MGST1: variants seen among roughly 807,000 people sequenced by gnomAD.
MGST1 encodes the protein glutathione S-transferase 12.
In MGST1, 5 loss-of-function variants were observed where a neutral mutation model predicts 8.9. That is an observed-to-expected ratio of 0.56 (90% CI 0.29 to 1.19). The LOEUF is 1.19. Among genes scored for constraint, MGST1 ranks in the 50% most tolerant of loss-of-function variants. MGST1 has a pLI of 0.08. For synonymous variants in MGST1, 54 were observed against 67.8 expected (o/e 0.80, Z 1.00); for missense variants, 182 against 187.4 (o/e 0.97, Z 0.17).
At position 16,560,758 on chromosome 12, in the gene MGST1, G is replaced by A. The variant is rs760804328; in HGVS notation, n.483-28770G>A. 3.5e-6 allele frequency: 2 copies of A among 575,038 alleles called. No individual in the cohort carries two copies. Among genetic ancestry groups the A allele is most frequent in the East Asian group, 3.6e-5 (1 of 27,568 alleles). The allele number at this position is 575,038 out of a possible 1,614,324, so 35.6% of individuals were successfully genotyped here. On this transcript the variant is annotated intron_variant and non_coding_transcript_variant, in intron 4 of 4. Coordinates refer to the MGST1 transcript ENST00000538857. This position sits in a 1 kb window ranked among gnomAD's most constrained non-coding sequence, Gnocchi z 5.0. ...ATCACATCTTGTTTGAGAAGAAAAG[G>A]AAAAGACAAATACATTAGGAAGCTT... is the stretch of plus-strand genomic sequence containing the variant.
chr12:16,421,664 G>C (rs60008925), intron 1 of MGST1, among the ~76,000 whole-genome samples: 19,469 of 152,144 alleles, frequency 0.13, 1,682 homozygotes, highest in East Asian at 0.45. Flanking sequence ...GGTGTGGTAT[G>C]GGATAGGTCC....
chr12:16,449,671 C>T (rs1373786128), intron 4 of MGST1, among the ~76,000 whole-genome samples: 1 of 151,858 alleles, frequency 6.6e-6, no homozygotes, highest in Non-Finnish European at 1.5e-5. Context: ...CAATAGGGGG[C>T]CCTGTGGCTT....
rs1943295114 is a variant in MGST1, at chr12:16,585,652, T to C, written n.483-3876T>C. ...CGTTGAAGTCCACCCATTCCAATTA[T>C]TTAAGTGATTTCATTTGAATGATGT... is the stretch of plus-strand genomic sequence containing the variant. On this transcript the variant is annotated intron_variant and non_coding_transcript_variant, in intron 4 of 4. Transcript: ENST00000538857. This position sits in a 1 kb window ranked among gnomAD's most constrained non-coding sequence, Gnocchi z 4.7. Among the ~76,000 whole-genome samples the C allele has an allele frequency of 6.6e-6, 1 of 152,296 alleles. No homozygotes were observed. The highest frequency in any genetic ancestry group is 1.9e-4 in the East Asian group (1 of 5,186).
chr12:16,349,506 G>A (rs1179526256), intron 1 of MGST1, among the ~76,000 whole-genome samples: 3 of 151,978 alleles, frequency 2.0e-5, no homozygotes, highest in African/African-American at 7.3e-5. Flanking sequence ...TTGCAGTCTT[G>A]GTCTCTCCAC....
Position 16,560,286 on chromosome 12 carries a change from G to T in MGST1, n.483-29242G>T. On this transcript the variant is annotated intron_variant and non_coding_transcript_variant, in intron 4 of 4. Transcript: ENST00000538857. This position sits in a 1 kb window ranked among gnomAD's most constrained non-coding sequence, Gnocchi z 5.0. ...AGCTTGTCTCTGGCATGGGATTAAA[G>T]TTTACAGAACAGAAAAACGCTGAGA... The T allele has an allele frequency of 9.4e-7, 1 of 1,064,994 alleles. No homozygotes were observed. Among genetic ancestry groups the T allele is most frequent in the Non-Finnish European group, 1.3e-6 (1 of 757,848 alleles). The allele number at this position is 1,064,994 out of a possible 1,614,324, so 66.0% of individuals were successfully genotyped here. A position where few individuals can be genotyped will look rare whatever the true frequency, so the allele number is the denominator to read the frequency against.
chr12:16,478,634 T>C (rs1387666907), intron 4 of MGST1, among the ~76,000 whole-genome samples: 1 of 152,062 alleles, frequency 6.6e-6, no homozygotes, highest in African/African-American at 2.4e-5. Context: ...GAATTTTTTT[T>C]TAATTTCAGA....
At chr12:16,445,146 G>A (rs112567225) in intron 4 of MGST1, among the ~76,000 whole-genome samples, 363 of 151,770 alleles carry the variant, frequency 2.4e-3, no homozygotes, top group African/African-American at 8.3e-3. Context: ...CCCCATCCGA[G>A]ATCAGCTCAC....
chr12:16,400,594 G>C (rs1335743381), intron 1 of MGST1: 6 of 1,058,022 alleles, frequency 5.7e-6, no homozygotes, highest in Admixed American at 1.7e-5. Context: ...GGCTGGTACT[G>C]TCTGTTCCCC....
chr12:16,473,198 C>T (rs1048452513), intron 4 of MGST1, among the ~76,000 whole-genome samples: 2 of 152,162 alleles, frequency 1.3e-5, no homozygotes, highest in Non-Finnish European at 2.9e-5. Context: ...ACATTCCCCC[C>T]ATCCCCAGGA....
intron 1 of MGST1, among the ~76,000 whole-genome samples, chr12:16,348,090 T>G (rs1409867773): frequency 2.0e-5 from 3 of 152,148 alleles, no homozygotes; most frequent in Non-Finnish European, 4.4e-5. Flanking sequence ...CGACTGCTGT[T>G]CTCCCCAAGA....
chr12:16,552,039 C>G (rs1217268752), intron 4 of MGST1, among the ~76,000 whole-genome samples: 1 of 151,970 alleles, frequency 6.6e-6, no homozygotes, highest in Non-Finnish European at 1.5e-5. Flanking sequence ...ATAAACTAAA[C>G]TAGTTTCCAA....
In MGST1 at chr12:16,551,077, G is replaced by T. The variant is rs531907828; in HGVS notation, n.483-38451G>T. The stretch of plus-strand genomic sequence containing the variant: ...GGCAATTTCACTACATACAGATGCA[G>T]TCCGCCTTTTATTCCATATAACCAT... On this transcript the variant is annotated intron_variant and non_coding_transcript_variant, in intron 4 of 4. Coordinates refer to the MGST1 transcript ENST00000538857. 7.0e-6 allele frequency: 4 copies of T among 572,390 alleles called. No individual in the cohort carries two copies. The South Asian group carries it at 1.1e-4, about 15-fold the overall frequency. The allele number at this position is 572,390 out of a possible 1,614,324, so 35.5% of individuals were successfully genotyped here. A position where few individuals can be genotyped will look rare whatever the true frequency, so the allele number is the denominator to read the frequency against.
At chr12:16,400,377 G>A (rs1940643810) in intron 1 of MGST1, 2 of 821,740 alleles carry the variant, frequency 2.4e-6, no homozygotes, top group Admixed American at 3.5e-5. Flanking sequence ...GGAAGCCATT[G>A]ACACGGGCCT....
At chr12:16,392,068 T>C (rs1157005267) in intron 1 of MGST1, among the ~76,000 whole-genome samples, 2 of 152,210 alleles carry the variant, frequency 1.3e-5, no homozygotes, top group East Asian at 1.9e-4. Context: ...TGTGGCCTTT[T>C]TTCTGGGCTC....
intron 4 of MGST1, among the ~76,000 whole-genome samples, chr12:16,525,065 T>C (rs1941674690): frequency 6.6e-6 from 1 of 151,966 alleles, no homozygotes; most frequent in Admixed American, 6.6e-5. Context: ...TGTCTCATGC[T>C]AGGTTTTATT....
intron 4 of MGST1, among the ~76,000 whole-genome samples, chr12:16,472,289 A>G (rs1208437448): frequency 6.6e-6 from 1 of 152,192 alleles, no homozygotes; most frequent in African/African-American, 2.4e-5. Flanking sequence ...TTTGTAAATT[A>G]CTGTCAAATT....
chr12:16,365,461 G>A (rs1181239512), downstream of MGST1, among the ~76,000 whole-genome samples: 2 of 152,114 alleles, frequency 1.3e-5, no homozygotes, highest in African/African-American at 4.8e-5. Context: ...TCATTTAGAT[G>A]TGCCACTCAA....
intron 1 of MGST1, among the ~76,000 whole-genome samples, chr12:16,393,877 T>G (rs972505567): frequency 6.6e-6 from 1 of 152,236 alleles, no homozygotes; most frequent in Non-Finnish European, 1.5e-5. Flanking sequence ...ATTGTCATTT[T>G]GTTTAGTAAT....
chr12:16,534,389 G>T (rs926183638), intron 4 of MGST1, among the ~76,000 whole-genome samples: 3 of 152,226 alleles, frequency 2.0e-5, no homozygotes, highest in Non-Finnish European at 4.4e-5. Flanking sequence ...CACAGTCACT[G>T]ATTCAAACAA....
Sources: gnomAD v4.1 joint callset for allele counts (sites outside exome capture counted in the v4.1 genomes callset) on GRCh38, gnomAD v4.1.1 for gene constraint, Gnocchi (gnomAD v3.1) non-coding constraint, MANE v1.5 for transcripts, NCBI Gene and HGNC (gene_info 2026-07-23, HGNC 2026-07-21) for gene names.